GCH1: variants seen among roughly 807,000 people sequenced by gnomAD.
GCH1 encodes the protein GTP cyclohydrolase 1, also known as GTP cyclohydrolase I.
In GCH1, 5 loss-of-function variants were observed where a neutral mutation model predicts 25.9. The ratio of observed to expected loss-of-function variants is 0.19; its 90% CI spans 0.10 to 0.41. The LOEUF (loss-of-function observed/expected upper bound fraction) is 0.41. Ranked by LOEUF, GCH1 falls within the 10% of genes least tolerant of loss-of-function variation. GCH1 has a pLI of 1.00. For synonymous variants in GCH1, 159 were observed against 129.6 expected (o/e 1.23, Z -1.54); for missense variants, 261 against 336.5 (o/e 0.78, Z 1.75).
intron 1 of GCH1, among the ~76,000 whole-genome samples, chr14:54,881,515 C>T (rs1158012421): frequency 2.6e-5 from 4 of 152,174 alleles, no homozygotes; most frequent in Non-Finnish European, 5.9e-5. Context: ...GTTAGAGCTT[C>T]CGACACTCAC....
intron 4 of GCH1, among the ~76,000 whole-genome samples, chr14:54,846,587 T>C (rs1056546376): frequency 6.6e-6 from 1 of 152,192 alleles, no homozygotes; most frequent in Admixed American, 6.5e-5. Context: ...ATAATCCAAA[T>C]AAATTGATTT....
At chr14:54,860,675 G>C (rs973028649) in intron 2 of GCH1, among the ~76,000 whole-genome samples, 1 of 151,892 alleles carries the variant, frequency 6.6e-6, no homozygotes, top group Non-Finnish European at 1.5e-5. Context: ...TGAGTAGCCG[G>C]GACTACAGGC....
intron 1 of GCH1, among the ~76,000 whole-genome samples, chr14:54,867,942 C>A (rs2040012891): frequency 6.6e-6 from 1 of 152,122 alleles, no homozygotes; most frequent in Non-Finnish European, 1.5e-5. Flanking sequence ...CAGAGGCTAC[C>A]TTAACCAAAT....
intron 1 of GCH1, among the ~76,000 whole-genome samples, chr14:54,870,298 G>A (rs542400872): frequency 2.1e-4 from 24 of 113,478 alleles, no homozygotes; most frequent in Non-Finnish European, 3.6e-4. Flanking sequence ...AAGAGTTCAA[G>A]ACCAGACTGC....
At chr14:54,892,267 T>C (rs2040433181) in intron 1 of GCH1, among the ~76,000 whole-genome samples, 1 of 152,180 alleles carries the variant, frequency 6.6e-6, no homozygotes, top group Admixed American at 6.5e-5. Flanking sequence ...CTACCCTCAG[T>C]TTCAGGCACC....
chr14:54,874,160 C>T (rs1329966901), intron 1 of GCH1, among the ~76,000 whole-genome samples: 2 of 152,204 alleles, frequency 1.3e-5, no homozygotes, highest in East Asian at 3.8e-4. Flanking sequence ...AAGTGGGCTT[C>T]ATCCCTGGGA....
chr14:54,871,744 T>A (rs1296970892), intron 1 of GCH1, among the ~76,000 whole-genome samples: 2 of 152,122 alleles, frequency 1.3e-5, no homozygotes, highest in African/African-American at 4.8e-5. Context: ...AGAAAGGGTA[T>A]CAGTGATGGA....
chr14:54,872,656 T>C (rs924701801), intron 1 of GCH1, among the ~76,000 whole-genome samples: 5 of 152,126 alleles, frequency 3.3e-5, no homozygotes, highest in Non-Finnish European at 5.9e-5. Context: ...GAGGAAGATC[T>C]ACCAAGCAAA....
At chr14:54,848,281 C>T (rs1294882941) in intron 3 of GCH1, among the ~76,000 whole-genome samples, 1 of 151,912 alleles carries the variant, frequency 6.6e-6, no homozygotes, top group Non-Finnish European at 1.5e-5. Context: ...GGACTATAGG[C>T]ACCCGTCACC....
In GCH1 at chr14:54,902,701, G is replaced by A. The variant is rs1408507547; in HGVS notation, c.-38C>T. ...GCCGCTGCCGTTCGGGAAGGACCCC[G>A]GGGCGCTTCGAGGTCTGCGGCTAAA... On this transcript the variant is annotated 5_prime_UTR_variant, in exon 1 of 6. Transcript: ENST00000491895. The A allele has an allele frequency of 2.1e-6, 3 of 1,416,830 alleles. No individual in the cohort carries two copies. Among genetic ancestry groups the A allele is most frequent in the Non-Finnish European group, 2.7e-6 (3 of 1,091,382 alleles). The allele number at this position is 1,416,830 out of a possible 1,614,324, so 87.8% of individuals were successfully genotyped here. A position where few individuals can be genotyped will look rare whatever the true frequency, so the allele number is the denominator to read the frequency against.
intron 2 of GCH1, among the ~76,000 whole-genome samples, chr14:54,861,733 A>C (rs1213456895): frequency 6.6e-6 from 1 of 152,152 alleles, no homozygotes; most frequent in East Asian, 1.9e-4. Context: ...AAAAAAAAAA[A>C]AAAATCACTA....
At chr14:54,859,766 G>A (rs1433388109) in intron 2 of GCH1, 30 bp from the exon 3 acceptor site, 2 of 1,275,552 alleles carry the variant, frequency 1.6e-6, no homozygotes, top group East Asian at 2.3e-5. Context: ...ATCATTAGCT[G>A]AGTGAAAATA....
At chr14:54,845,994 C>T in intron 4 of GCH1, 142 bp from the exon 5 acceptor site, 1 of 680,602 alleles carries the variant, frequency 1.5e-6, no homozygotes, top group East Asian at 2.7e-5. Context: ...TACCAGACTG[C>T]TTTGTCTGCT....
intron 3 of GCH1, among the ~76,000 whole-genome samples, chr14:54,855,505 CAAAAA>C (rs764999718): frequency 3.8e-4 from 14 of 36,412 alleles, no homozygotes; most frequent in African/African-American, 1.9e-3. Flanking sequence ...GACCCTGTCT[CAAAAA>C]AAAAAAAAAA....
intron 1 of GCH1, among the ~76,000 whole-genome samples, chr14:54,877,632 T>C (rs1463021312): frequency 1.3e-5 from 2 of 152,142 alleles, no homozygotes; most frequent in Non-Finnish European, 2.9e-5. Context: ...TAGCTGGGAT[T>C]ACAGGCGCAA....
chr14:54,844,703 A>G (rs892177642), intron 5 of GCH1, among the ~76,000 whole-genome samples: 4 of 152,258 alleles, frequency 2.6e-5, no homozygotes, highest in African/African-American at 9.6e-5. Context: ...GTCACAGAAC[A>G]CATATGAACT....
intron 5 of GCH1, 29 bp downstream of exon 5, chr14:54,845,739 G>A: frequency 8.2e-7 from 1 of 1,218,708 alleles, no homozygotes; most frequent in South Asian, 1.2e-5. Flanking sequence ...GCACCATTAT[G>A]ACGTTACTAA....
intron 3 of GCH1, among the ~76,000 whole-genome samples, chr14:54,848,972 G>A (rs560598468): frequency 6.6e-6 from 1 of 152,328 alleles, no homozygotes; most frequent in African/African-American, 2.4e-5. Context: ...TTTAAAGTTA[G>A]TAATGTTTTC....
chr14:54,870,118 C>T (rs968613059), intron 1 of GCH1, among the ~76,000 whole-genome samples: 28 of 152,092 alleles, frequency 1.8e-4, no homozygotes, highest in African/African-American at 6.5e-4. Context: ...TATATAACTG[C>T]ATACGTTTGT....
Sources: gnomAD v4.1 joint callset for allele counts (sites outside exome capture counted in the v4.1 genomes callset) on GRCh38, gnomAD v4.1.1 for gene constraint, MANE v1.5 for transcripts, NCBI Gene and HGNC (gene_info 2026-07-23, HGNC 2026-07-21) for gene names.